The following GC variants were observed in gnomAD, a reference collection of about 807,000 sequenced individuals.
GC encodes GC vitamin D binding protein, also known as vitamin D-binding protein.
A neutral mutation model predicts 56.7 loss-of-function variants in GC; 43 were observed. That is an observed-to-expected ratio of 0.76 (90% CI 0.59 to 0.98). GC has a LOEUF of 0.98. Ranked by LOEUF, GC falls within the 50% of genes least tolerant of loss-of-function variation. The pLI, the probability that GC is intolerant of heterozygous loss-of-function variation, is 0.00. For synonymous variants in GC, 216 were observed against 202.7 expected (o/e 1.07, Z -0.56); for missense variants, 529 against 545.9 (o/e 0.97, Z 0.31).
chr4:71,787,423 C>G (rs1742866512), upstream of GC, among the ~76,000 whole-genome samples: 1 of 151,852 alleles, frequency 6.6e-6, no homozygotes, highest in Non-Finnish European at 1.5e-5. Context: ...TGTCTGTTGT[C>G]CCTCGTCTGT....
chr4:71,764,703 G>A (rs1374346114), intron 4 of GC, among the ~76,000 whole-genome samples: 2 of 152,184 alleles, frequency 1.3e-5, no homozygotes, highest in Non-Finnish European at 2.9e-5. Flanking sequence ...AAAAGGGACT[G>A]AAATTCTGGG....
At chr4:71,767,401 C>G (rs1402615903) in intron 3 of GC, among the ~76,000 whole-genome samples, 1 of 152,006 alleles carries the variant, frequency 6.6e-6, no homozygotes, top group African/African-American at 2.4e-5. Flanking sequence ...TTAATTTTTG[C>G]ATAAGTGCTA....
At chr4:71,782,821 C>T (rs1229450894) in intron 1 of GC, among the ~76,000 whole-genome samples, 3 of 151,722 alleles carry the variant, frequency 2.0e-5, no homozygotes, top group African/African-American at 7.3e-5. Context: ...AAGAATAAGA[C>T]TTAAAGGGAT....
At chr4:71,766,858 A>G (rs1742174026) in intron 3 of GC, among the ~76,000 whole-genome samples, 2 of 152,138 alleles carry the variant, frequency 1.3e-5, no homozygotes, top group Admixed American at 1.3e-4. Context: ...AAATGTCAAA[A>G]CACTTTTCAA....
intron 11 of GC, among the ~76,000 whole-genome samples, chr4:71,749,552 A>G (rs1037266604): frequency 4.6e-5 from 7 of 152,222 alleles, no homozygotes; most frequent in Non-Finnish European, 7.4e-5. Flanking sequence ...CTCTCAGAGA[A>G]AATTTTTCTG....
chr4:71,804,042 G>A (rs1743308026), upstream of GC: 2 of 800,916 alleles, frequency 2.5e-6, no homozygotes, highest in African/African-American at 3.4e-5. Flanking sequence ...AAAAAACAGT[G>A]AAAAGAGCAT....
intron 2 of GC, 119 bp downstream of exon 2, chr4:71,769,212 T>C: frequency 1.4e-6 from 1 of 709,940 alleles, no homozygotes; most frequent in South Asian, 1.9e-5. Context: ...CCTGGGGCTC[T>C]GTCCTCTTAC....
upstream of GC, among the ~76,000 whole-genome samples, chr4:71,804,308 T>C (rs1565571): frequency 1 from 152,024 of 152,308 alleles, 75,871 homozygotes; most frequent in Middle Eastern, 1. Flanking sequence ...GACATAATGC[T>C]GAAAGCCTGG....
chr4:71,786,292 G>A (rs1324662057), upstream of GC, among the ~76,000 whole-genome samples: 1 of 151,536 alleles, frequency 6.6e-6, no homozygotes, highest in Non-Finnish European at 1.5e-5. Flanking sequence ...TTCAAATGTT[G>A]ATTGCTTACT....
intron 12 of GC, among the ~76,000 whole-genome samples, chr4:71,742,988 G>T (rs1026253860): frequency 6.6e-6 from 1 of 152,012 alleles, no homozygotes; most frequent in Admixed American, 6.6e-5. Context: ...TGGGCAGGGT[G>T]GGGGGTAAGA....
chr4:71,789,722 A>T (rs1304060700), intron 1 of GC, among the ~76,000 whole-genome samples: 6 of 151,928 alleles, frequency 3.9e-5, no homozygotes. Context: ...TGCAGATAAA[A>T]TTAATCAGTT....
chr4:71,768,326 G>C lies in GC; in HGVS notation c.236C>G (p.Ala79Gly). 1 of 1,612,374 alleles carries C rather than the reference G, an allele frequency of 6.2e-7. No homozygotes were observed. The highest frequency in any genetic ancestry group is 1.1e-5 in the South Asian group (1 of 90,676). The part of the protein sequence containing the change: ...SLTEACCAEG[A>G]DPDCYDTRTS... ...CCTGGTGTCATAGCAGTCAGGGTCA[G>C]CCCCTTCCGCACAGCAGGCTTCGGT... The change falls in exon 3 of 13, where the codon GCT becomes GGT. Residue 79 changes from alanine (A) to glycine (G), a missense_variant. By Grantham distance (60) the Ala-to-Gly change is moderately conservative. Transcript: ENST00000273951.
intron 1 of GC, among the ~76,000 whole-genome samples, chr4:71,795,611 A>G (rs1359223086): frequency 2.0e-5 from 3 of 152,094 alleles, no homozygotes; most frequent in South Asian, 2.1e-4. Flanking sequence ...TCTTTATCCA[A>G]TTTGCCAGTC....
chr4:71,769,254 C>A, intron 2 of GC, 77 bp downstream of exon 2: 2 of 1,056,490 alleles, frequency 1.9e-6, no homozygotes, highest in Non-Finnish European at 2.9e-6. Context: ...AACCTCCATG[C>A]TGAGTCAAAG....
chr4:71,751,285 A>G (rs537409673), intron 11 of GC, among the ~76,000 whole-genome samples: 17 of 152,298 alleles, frequency 1.1e-4, no homozygotes, highest in Non-Finnish European at 2.1e-4. Flanking sequence ...TCAGAAGTCG[A>G]AGCATAGCTC....
chr4:71,752,709 A>G (rs747121362), intron 10 of GC, 59 bp from the exon 11 acceptor site: 13 of 1,335,668 alleles, frequency 9.7e-6, no homozygotes, highest in African/African-American at 4.4e-5. Flanking sequence ...ACAAATTTCT[A>G]ATGCAAAATA....
chr4:71,781,196 G>C (rs1742666913), intron 1 of GC, among the ~76,000 whole-genome samples: 1 of 151,978 alleles, frequency 6.6e-6, no homozygotes, highest in Admixed American at 6.6e-5. Flanking sequence ...GAGAACACTT[G>C]GTCACAGGGT....
rs111731437 is a variant in GC at position 71,779,002 on chromosome 4, A to C, written c.58+4959T>G. 1.1e-3 allele frequency among the ~76,000 whole-genome samples: 159 copies of C among 151,202 alleles called. 1 individual carries two copies. The highest frequency in any genetic ancestry group is 3.7e-3 in the African/African-American group (153 of 41,310). On this transcript the variant is annotated intron_variant, in intron 1 of 12. Coordinates refer to ENST00000273951, the MANE Select transcript of GC (RefSeq NM_000583.4). ...ACATACCTATTTATACACACACACAAAAACACACACAGACACATCAGCTAT... is the reference window on the plus strand; with the variant it reads ...ACATACCTATTTATACACACACACACAAACACACACAGACACATCAGCTAT...
chr4:71,779,797 G>A (rs1328855392), intron 1 of GC, among the ~76,000 whole-genome samples: 2 of 151,782 alleles, frequency 1.3e-5, no homozygotes, highest in Admixed American at 1.3e-4. Context: ...GATTTTCAGG[G>A]AGGTTAACAT....
Sources: gnomAD v4.1 joint callset for allele counts (sites outside exome capture counted in the v4.1 genomes callset) on GRCh38, gnomAD v4.1.1 for gene constraint, MANE v1.5 for transcripts, NCBI Gene and HGNC (gene_info 2026-07-23, HGNC 2026-07-21) for gene names.